The following WBP2NL variants were observed in gnomAD, a reference collection of about 807,000 sequenced individuals.
The protein encoded by WBP2NL is WBP2 N-terminal like, also known as postacrosomal sheath WW domain-binding protein.
WBP2NL carries 27 observed loss-of-function variants against 23.3 expected under a neutral mutation model. The observed-to-expected ratio is 1.16, with a 90% confidence interval of 0.85 to 1.60. The LOEUF (loss-of-function observed/expected upper bound fraction) is 1.60. Ranked by LOEUF, WBP2NL falls within the 40% of genes most tolerant of loss-of-function variation. The pLI is 0.00. For missense variants in WBP2NL, 370 were observed against 389.5 expected (o/e 0.95, Z 0.42); for synonymous variants, 151 against 145.9 (o/e 1.03, Z -0.25).
rs1053257931 is a variant in WBP2NL, at chr22:42,015,985, AT to A, written c.63-3316del. On this transcript the variant is annotated intron_variant, in intron 1 of 5. Coordinates refer to ENST00000328823, the MANE Select transcript of WBP2NL (RefSeq NM_152613.3). ...CAGCAACTAATACATTGGCTTGGAA[AT>A]TTTTTTTTTCTTGAGATGAAATTTC... 4.2e-4 allele frequency among the ~76,000 whole-genome samples: 63 copies of A among 149,286 alleles called. No homozygotes were observed. The East Asian group carries it at 0.012, about 29-fold the overall frequency.
At chr22:42,057,865 GTATGTATATA>G (rs1176101715) in intron 8 of WBP2NL, among the ~76,000 whole-genome samples, 2 of 59,646 alleles carry the variant, frequency 3.4e-5, no homozygotes, top group African/African-American at 8.3e-5. Flanking sequence ...ATGTGTGTGT[GTATGTATATA>G]TATATATATA....
In WBP2NL at chr22:42,027,825, T is replaced by G. The variant is rs1247444054; in HGVS notation, c.*644T>G. The G allele has an allele frequency of 1.0e-5, 4 of 396,920 alleles. No homozygotes were observed. Among genetic ancestry groups the G allele is most frequent in the Non-Finnish European group, 1.8e-5 (4 of 225,606 alleles). The allele number at this position is 396,920 out of a possible 1,614,324, so 24.6% of individuals were successfully genotyped here. On this transcript the variant is annotated 3_prime_UTR_variant, in exon 6 of 6. Coordinates refer to ENST00000328823, the MANE Select transcript of WBP2NL (RefSeq NM_152613.3). ...AGTGATTTTCAACATATATATTAAT[T>G]TATAGTCAGAATACGTGAATAACTA...
At chr22:42,019,064 C>CA (rs895175729) in intron 1 of WBP2NL, among the ~76,000 whole-genome samples, 1 of 151,540 alleles carries the variant, frequency 6.6e-6, no homozygotes, top group African/African-American at 2.4e-5. Context: ...TACAAAAATA[C>CA]AAAAAAATTA....
chr22:42,020,862 GTGTGTGTA>G (rs1264619496), intron 4 of WBP2NL, among the ~76,000 whole-genome samples: 130 of 33,940 alleles, frequency 3.8e-3, no homozygotes, highest in Non-Finnish European at 5.1e-3. Flanking sequence ...ATGTGTGTGT[GTGTGTGTA>G]TATATATATA....
At chr22:42,056,225 T>G (rs967933154) in intron 8 of WBP2NL, among the ~76,000 whole-genome samples, 8 of 152,218 alleles carry the variant, frequency 5.3e-5, no homozygotes, top group Non-Finnish European at 1.0e-4. Flanking sequence ...ATTAACATCT[T>G]ATTCTGAACT....
At chr22:42,049,243 A>G (rs1925721216) in intron 8 of WBP2NL, among the ~76,000 whole-genome samples, 1 of 152,190 alleles carries the variant, frequency 6.6e-6, no homozygotes, top group Non-Finnish European at 1.5e-5. Context: ...AGGTAATTCA[A>G]TGGAGAAAGG....
At chr22:42,036,246 C>T (rs1018995152), downstream of WBP2NL, among the ~76,000 whole-genome samples, 2 of 152,116 alleles carry the variant, frequency 1.3e-5, no homozygotes, top group African/African-American at 4.8e-5. Flanking sequence ...GTGATCTGGG[C>T]TCACTGCAAG....
At chr22:42,014,412 A>C (rs902991403) in intron 1 of WBP2NL, among the ~76,000 whole-genome samples, 1 of 151,916 alleles carries the variant, frequency 6.6e-6, no homozygotes, top group Non-Finnish European at 1.5e-5. Context: ...TTCTTTGTAG[A>C]GATAGGGTTT....
chr22:42,017,325 A>G (rs1923398645), intron 1 of WBP2NL, among the ~76,000 whole-genome samples: 1 of 152,092 alleles, frequency 6.6e-6, no homozygotes, highest in Non-Finnish European at 1.5e-5. Context: ...ATGTTGGTCA[A>G]GCTGGTCTCT....
At chr22:42,011,751 GGTT>G (rs113187475) in intron 1 of WBP2NL, among the ~76,000 whole-genome samples, 7,582 of 149,174 alleles carry the variant, frequency 0.051, 600 homozygotes, top group African/African-American at 0.17. Context: ...TTTTTTTTTT[GGTT>G]GTTGTTGTTG....
chr22:41,999,522 C>T (rs983052103), intron 1 of WBP2NL, among the ~76,000 whole-genome samples: 6 of 152,158 alleles, frequency 3.9e-5, no homozygotes, highest in African/African-American at 1.4e-4. Flanking sequence ...GTGGCTCATG[C>T]CTCTTATCCC....
chr22:42,009,565 AATAG>A (rs1446378102), intron 1 of WBP2NL, among the ~76,000 whole-genome samples: 3 of 152,162 alleles, frequency 2.0e-5, no homozygotes, highest in African/African-American at 7.2e-5. Flanking sequence ...TCATTTGTTA[AATAG>A]ATTGTCTTTT....
chr22:42,001,247 A>G (rs1921637697), intron 1 of WBP2NL: 1 of 694,294 alleles, frequency 1.4e-6, no homozygotes, highest in African/African-American at 1.8e-5. Context: ...TCCTGACTGC[A>G]TCATCATGTA....
intron 8 of WBP2NL, among the ~76,000 whole-genome samples, chr22:42,057,953 G>C (rs1333343742): frequency 1.0e-5 from 1 of 99,296 alleles, no homozygotes; most frequent in Non-Finnish European, 1.8e-5. Context: ...GTCTGGCTCT[G>C]TCACCCAGGC....
At chr22:42,018,650 C>T (rs1415921702) in intron 1 of WBP2NL, among the ~76,000 whole-genome samples, 1 of 152,072 alleles carries the variant, frequency 6.6e-6, no homozygotes, top group Non-Finnish European at 1.5e-5. Flanking sequence ...AGTCTGCTGC[C>T]TTACTTTCTT....
chr22:42,044,986 T>C (rs939008566), intron 8 of WBP2NL, among the ~76,000 whole-genome samples: 2 of 151,868 alleles, frequency 1.3e-5, no homozygotes, highest in Non-Finnish European at 2.9e-5. Flanking sequence ...AATTTTTTTT[T>C]CTTTATTTAT....
At chr22:42,048,436 A>T (rs532685004) in intron 8 of WBP2NL, among the ~76,000 whole-genome samples, 2 of 151,878 alleles carry the variant, frequency 1.3e-5, no homozygotes, top group South Asian at 2.1e-4. Context: ...AAAAGCTCTT[A>T]AAAAATCTAG....
rs776887000 is a variant in WBP2NL at position 42,026,858 on chromosome 22, A to G, written c.607A>G (p.Asn203Asp). ...AGGATATGGAGCCCAACCCGTAGGA[A>G]ATGAAGGCCCGCCTGTGGGATACAG... ...PAGYGAQPVG[N>D]EGPPVGYRAS... The change falls in exon 6 of 6, where the codon AAT (asparagine) becomes GAT (aspartate). Residue 203 changes from asparagine to aspartate, a missense_variant. Asn to Asp is a conservative substitution (Grantham distance 23). Transcript: ENST00000328823. 4.4e-6 allele frequency: 7 copies of G among 1,601,236 alleles called. No individual in the cohort carries two copies. The African/African-American group carries it at 5.7e-5, about 13-fold the overall frequency.
chr22:42,029,143 A>C (rs1429262527), downstream of WBP2NL, among the ~76,000 whole-genome samples: 1 of 152,124 alleles, frequency 6.6e-6, no homozygotes, highest in Non-Finnish European at 1.5e-5. Flanking sequence ...CAAGCCACCT[A>C]AAAGGGAGGC....
Sources: gnomAD v4.1 joint callset for allele counts (sites outside exome capture counted in the v4.1 genomes callset) on GRCh38, gnomAD v4.1.1 for gene constraint, MANE v1.5 for transcripts, NCBI Gene and HGNC (gene_info 2026-07-23, HGNC 2026-07-21) for gene names.